ANO3: variants seen among roughly 807,000 people sequenced by gnomAD.
The protein encoded by ANO3 is anoctamin 3.
Under a neutral mutation model 144.8 loss-of-function variants are expected in ANO3, and 99 were observed. That is an observed-to-expected ratio of 0.68 (90% confidence interval 0.58 to 0.81). ANO3 has a LOEUF of 0.81. ANO3 is among the 30% of genes least tolerant of loss of function. The pLI, the probability that ANO3 is intolerant of heterozygous loss-of-function variation, is 0.00. For synonymous variants in ANO3, 414 were observed against 392.6 expected (o/e 1.05, Z -0.64); for missense variants, 905 against 1,202.2 (o/e 0.75, Z 3.66).
intron 4 of ANO3, among the ~76,000 whole-genome samples, chr11:26,468,800 G>C (rs1859684297): frequency 6.6e-6 from 1 of 151,906 alleles, no homozygotes; most frequent in South Asian, 2.1e-4. Context: ...TAATGGACAA[G>C]ATTATACATG....
chr11:26,537,362 T>C, intron 9 of ANO3, 44 bp from the exon 10 acceptor site: 1 of 1,457,868 alleles, frequency 6.9e-7, no homozygotes, highest in Non-Finnish European at 9.6e-7. Context: ...AGGAAATGTT[T>C]CATTGAAACT....
chr11:26,466,077 A>T (rs1051554457), intron 4 of ANO3, among the ~76,000 whole-genome samples: 1 of 151,974 alleles, frequency 6.6e-6, no homozygotes, highest in African/African-American at 2.4e-5. Flanking sequence ...GATAAATAAG[A>T]TACTTTATTT....
Position 26,373,932 on chromosome 11 carries a change from A to G in ANO3, c.46+41611A>G, listed in dbSNP as rs557345274. ...TGAATATAACAAATCTGAAGTTTAT[A>G]GTTTTTATACTTTGTTTTCAGGACT... is the stretch of plus-strand genomic sequence containing the variant. On this transcript the variant is annotated intron_variant, in intron 1 of 26. Coordinates refer to ENST00000256737, the MANE Select transcript of ANO3 (RefSeq NM_031418.4). Among the ~76,000 whole-genome samples, 3 of 152,336 alleles carry G rather than the reference A, an allele frequency of 2.0e-5. No homozygotes were observed. In the East Asian group the frequency reaches 5.8e-4, roughly 29 times the overall value.
At chr11:26,283,320 A>G (rs1853722055) in intron 1 of ANO3, among the ~76,000 whole-genome samples, 1 of 39,874 alleles carries the variant, frequency 2.5e-5, no homozygotes, top group Non-Finnish European at 4.2e-5. Context: ...ACAAATAAAT[A>G]AATATATATA....
intron 1 of ANO3, among the ~76,000 whole-genome samples, chr11:26,367,921 A>G (rs1856138924): frequency 6.6e-6 from 1 of 152,192 alleles, no homozygotes; most frequent in South Asian, 2.1e-4. Context: ...TACAATCATG[A>G]GGACAGCACC....
At chr11:26,511,523 C>A (rs1227689222) in intron 5 of ANO3, among the ~76,000 whole-genome samples, 2 of 149,822 alleles carry the variant, frequency 1.3e-5, no homozygotes, top group African/African-American at 4.9e-5. Context: ...GGGTGACTTT[C>A]AATCTACACT....
chr11:26,392,414 A>G (rs1178248700), intron 1 of ANO3, among the ~76,000 whole-genome samples: 8 of 151,814 alleles, frequency 5.3e-5, no homozygotes, highest in Admixed American at 5.3e-4. Context: ...CTTTTGATAT[A>G]CTCTGTGGTA....
chr11:26,438,778 CA>C (rs59906437), intron 1 of ANO3, among the ~76,000 whole-genome samples: 6,714 of 108,796 alleles, frequency 0.062, 212 homozygotes, highest in African/African-American at 0.13. Context: ...AACTCTGTCT[CA>C]AAAAAAAAAA....
At chr11:26,307,818 C>T (rs1282139186), upstream of ANO3, among the ~76,000 whole-genome samples, 1 of 151,562 alleles carries the variant, frequency 6.6e-6, no homozygotes, top group African/African-American at 2.4e-5. Flanking sequence ...GATTGAATTG[C>T]ACTACGTGTT....
At chr11:26,657,271 G>C (rs569464710) in intron 26 of ANO3, among the ~76,000 whole-genome samples, 3 of 152,200 alleles carry the variant, frequency 2.0e-5, no homozygotes, top group African/African-American at 7.2e-5. Flanking sequence ...AAATTTTTTA[G>C]TGAAGTATCC....
At position 26,598,381 on chromosome 11, in the gene ANO3, G is replaced by A. The variant is rs556984041; in HGVS notation, c.1464G>A (p.Glu488=). The A allele has an allele frequency of 1.9e-6, 3 of 1,548,980 alleles. No individual in the cohort carries two copies. The highest frequency in any genetic ancestry group is 2.6e-6 in the Non-Finnish European group (3 of 1,148,740). Residue 488 remains glutamate (E), a synonymous_variant, in exon 15 of 27, where the codon GAG becomes GAA. Transcript: ENST00000256737. ...ATTTTATAGCCACAGTCTTCCTGGA[G>A]TTTTGGAAAAGGAGAAGGAGTATAC... ...FMAIWATVFL[E]FWKRRRSILT... is the part of the protein sequence containing the mutation.
chr11:26,217,153 AT>A (rs1234952797), intron 1 of ANO3, among the ~76,000 whole-genome samples: 1 of 151,690 alleles, frequency 6.6e-6, no homozygotes, highest in African/African-American at 2.4e-5. Context: ...GATCATATGG[AT>A]TTTCTCCTAT....
intron 1 of ANO3, among the ~76,000 whole-genome samples, chr11:26,384,718 A>G (rs1397301353): frequency 1.3e-5 from 2 of 152,152 alleles, no homozygotes; most frequent in Admixed American, 1.3e-4. Flanking sequence ...TTTCACCTAG[A>G]CTAATGCAGT....
intron 1 of ANO3, among the ~76,000 whole-genome samples, chr11:26,204,342 T>C (rs1372340372): frequency 6.6e-6 from 1 of 152,046 alleles, no homozygotes; most frequent in Non-Finnish European, 1.5e-5. Flanking sequence ...ACAGTAGTAA[T>C]ACCTGCAACA....
Position 26,260,047 on chromosome 11 carries a change from CTT to C in ANO3, c.155-49581_155-49580del, listed in dbSNP as rs768969943. Among the ~76,000 whole-genome samples, 308 of 129,606 alleles carry C rather than the reference CTT, an allele frequency of 2.4e-3. 1 individual carries two copies. The highest frequency in any genetic ancestry group is 3.9e-3 in the Middle Eastern group (1 of 254). 85.0% of individuals were successfully genotyped at this position (129,606 alleles called of 152,430 possible). On this transcript the variant is annotated intron_variant, in intron 1 of 27. Transcript: ENST00000672621. ...TGAAGGGATTTAAAATTTTAAAGTG[CTT>C]TTTTTTTTTTTTTTTTGATGTACAA... is the stretch of plus-strand genomic sequence containing the variant.
At chr11:26,616,454 T>C (rs979351622) in intron 17 of ANO3, among the ~76,000 whole-genome samples, 1 of 129,208 alleles carries the variant, frequency 7.7e-6, no homozygotes, top group South Asian at 2.7e-4. Context: ...TTTTTTTTTT[T>C]GGTAATTTGT....
intron 1 of ANO3, among the ~76,000 whole-genome samples, chr11:26,337,916 T>G (rs1590271597): frequency 6.6e-6 from 1 of 151,962 alleles, no homozygotes; most frequent in Admixed American, 6.6e-5. Context: ...GCCTGAGTGA[T>G]AGAGCAAAAC....
chr11:26,197,038 A>C (rs1299804216), intron 1 of ANO3, among the ~76,000 whole-genome samples: 1 of 152,228 alleles, frequency 6.6e-6, no homozygotes, highest in Admixed American at 6.5e-5. Context: ...ACACACATGC[A>C]TAACAGTGTA....
At chr11:26,469,294 TA>T (rs1332169819) in intron 4 of ANO3, among the ~76,000 whole-genome samples, 30 of 152,032 alleles carry the variant, frequency 2.0e-4, no homozygotes, top group African/African-American at 7.2e-4. Flanking sequence ...AAATTTTCTG[TA>T]GACTGCTTAA....
Sources: gnomAD v4.1 joint callset for allele counts (sites outside exome capture counted in the v4.1 genomes callset) on GRCh38, gnomAD v4.1.1 for gene constraint, MANE v1.5 for transcripts, NCBI Gene and HGNC (gene_info 2026-07-23, HGNC 2026-07-21) for gene names.